The following MYOM1 variants were observed in gnomAD, a reference collection of about 807,000 sequenced individuals.
MYOM1 encodes myomesin 1, also known as myomesin-1.
MYOM1 carries 164 observed loss-of-function variants against 205.3 expected under a neutral mutation model. The ratio of observed to expected loss-of-function variants is 0.80; its 90% CI spans 0.70 to 0.91. The LOEUF is 0.91. Ranked by LOEUF, MYOM1 falls within the 40% of genes least tolerant of loss-of-function variation. MYOM1 has a pLI of 0.00. For missense variants in MYOM1, 2,011 were observed against 2,127.3 expected (o/e 0.95, Z 1.08); for synonymous variants, 772 against 789.4 (o/e 0.98, Z 0.37).
intron 16 of MYOM1, 84 bp downstream of exon 16, chr18:3,134,566 C>G: frequency 7.1e-7 from 1 of 1,400,314 alleles, no homozygotes; most frequent in Non-Finnish European, 9.5e-7. Flanking sequence ...TTAAAAAAAT[C>G]TCCTCCATTG....
chr18:3,126,263 TC>T (rs1174550554), intron 19 of MYOM1, among the ~76,000 whole-genome samples: 2 of 84,752 alleles, frequency 2.4e-5, no homozygotes, highest in Non-Finnish European at 4.2e-5. Context: ...AGACTTCATC[TC>T]AAAAAAAAAA....
At position 3,128,733 on chromosome 18, in the gene MYOM1, T is replaced by A. The variant is rs1435498987; in HGVS notation, c.2794+499A>T. Among the ~76,000 whole-genome samples the A allele has an allele frequency of 2.0e-5, 3 of 152,230 alleles. No homozygotes were observed. The South Asian group carries it at 6.2e-4, about 31-fold the overall frequency. On this transcript the variant is annotated intron_variant, in intron 18 of 37. Coordinates refer to ENST00000356443, the MANE Select transcript of MYOM1 (RefSeq NM_003803.4). The stretch of plus-strand genomic sequence containing the variant: ...AAGTATTTAATTTTCCAGTGTTGAT[T>A]TTTCTTGCAAACTATTTAAATTAAA...
Position 3,188,935 on chromosome 18 carries a change from T to C in MYOM1, c.584A>G (p.Gln195Arg), listed in dbSNP as rs2080864711. The C allele has an allele frequency of 6.2e-7, 1 of 1,611,938 alleles. No homozygotes were observed. Residue 195 changes from glutamine (Q) to arginine (R), a missense_variant, in exon 4 of 38, where the codon CAG becomes CGG. Physicochemically the swap from Gln to Arg is conservative, Grantham distance 43 (BLOSUM62 1). Coordinates refer to ENST00000356443, the MANE Select transcript of MYOM1 (RefSeq NM_003803.4). ...TASKQTTASK[Q>R]STASKQSTAS... ...TGTGGACTGCTTGGATGCCGTGGAC[T>C]GCTTAGATGCCGTGGTCTGCTTGGA...
intron 25 of MYOM1, among the ~76,000 whole-genome samples, chr18:3,098,221 A>C (rs1567904367): frequency 6.6e-6 from 1 of 152,202 alleles, no homozygotes; most frequent in African/African-American, 2.4e-5. Flanking sequence ...TGAATAGTTC[A>C]TGGATTCATC....
the MYOM1 span, among the ~76,000 whole-genome samples, chr18:3,234,292 C>T: frequency 6.6e-6 from 1 of 152,124 alleles, no homozygotes; most frequent in African/African-American, 2.4e-5. Context: ...GTTTGGGAAG[C>T]AAGTCAAACA....
the MYOM1 span, among the ~76,000 whole-genome samples, chr18:3,239,235 G>A: frequency 6.6e-6 from 1 of 152,214 alleles, no homozygotes; most frequent in East Asian, 1.9e-4. Flanking sequence ...AAACAGAGGA[G>A]CTGGCTTTCT....
intron 8 of MYOM1, among the ~76,000 whole-genome samples, chr18:3,169,704 G>A (rs1157422357): frequency 3.3e-5 from 5 of 152,146 alleles, no homozygotes; most frequent in South Asian, 4.1e-4. Flanking sequence ...TGGTGGGAAC[G>A]TAAATTAGTA....
At chr18:3,146,316 C>A (rs2080122432) in intron 13 of MYOM1, among the ~76,000 whole-genome samples, 1 of 152,084 alleles carries the variant, frequency 6.6e-6, no homozygotes, top group Non-Finnish European at 1.5e-5. Flanking sequence ...AGACCAATAT[C>A]TTTTATGAAT....
At chr18:3,193,341 CATAT>C (rs1567961377) in intron 3 of MYOM1, among the ~76,000 whole-genome samples, 50 of 118,330 alleles carry the variant, frequency 4.2e-4, no homozygotes, top group African/African-American at 1.7e-3. Context: ...TATATATGTA[CATAT>C]ACATATATAT....
In MYOM1 at chr18:3,135,430, G is replaced by T; in HGVS notation, c.2209+117C>A. On this transcript the variant is annotated intron_variant, in intron 15 of 37. Coordinates refer to ENST00000356443, the MANE Select transcript of MYOM1 (RefSeq NM_003803.4). The surrounding 1 kb of genome is among the most constrained non-coding windows in gnomAD (Gnocchi z 4.1). ...TGTATAGGTTAAGTACAGCCATCGA[G>T]TAAATTTATAATATGAAAGAAGGAT... 1.1e-6 allele frequency: 1 copy of T among 923,818 alleles called. No individual in the cohort carries two copies. The highest frequency in any genetic ancestry group is 1.6e-6 in the Non-Finnish European group (1 of 629,290). 57.2% of individuals were successfully genotyped at this position (923,818 alleles called of 1,614,324 possible).
At chr18:3,239,626 T>C in the MYOM1 span, among the ~76,000 whole-genome samples, 1 of 151,674 alleles carries the variant, frequency 6.6e-6, no homozygotes, top group Non-Finnish European at 1.5e-5. Flanking sequence ...TGTAGTGGTG[T>C]ACACCTGTAG....
At chr18:3,090,458 G>A (rs2079209576) in intron 27 of MYOM1, among the ~76,000 whole-genome samples, 200 bp downstream of exon 27, 1 of 152,012 alleles carries the variant, frequency 6.6e-6, no homozygotes, top group African/African-American at 2.4e-5. Flanking sequence ...GACCTTAGGT[G>A]ATCCACCCGC....
At chr18:3,207,962 C>T (rs2081145373) in intron 2 of MYOM1, among the ~76,000 whole-genome samples, 1 of 152,138 alleles carries the variant, frequency 6.6e-6, no homozygotes. Context: ...GAAGGAACCA[C>T]ATCTTTCTGG....
chr18:3,243,625 T>C, the MYOM1 span, among the ~76,000 whole-genome samples: 1 of 152,236 alleles, frequency 6.6e-6, no homozygotes, highest in Non-Finnish European at 1.5e-5. Context: ...GAGTTAGAGA[T>C]ATGTGGATAA....
chr18:3,081,081 G>A (rs1384093495), intron 33 of MYOM1, among the ~76,000 whole-genome samples: 19 of 150,174 alleles, frequency 1.3e-4, no homozygotes, highest in African/African-American at 4.7e-4. Flanking sequence ...CAGTGAGCCG[G>A]GATCACGCCA....
At chr18:3,146,255 C>T (rs1028933969) in intron 13 of MYOM1, among the ~76,000 whole-genome samples, 1 of 152,052 alleles carries the variant, frequency 6.6e-6, no homozygotes, top group Non-Finnish European at 1.5e-5. Context: ...ATACTTTCCA[C>T]TCAGTACCCC....
intron 13 of MYOM1, among the ~76,000 whole-genome samples, chr18:3,144,303 T>C (rs527909174): frequency 1.3e-5 from 2 of 152,060 alleles, no homozygotes; most frequent in Middle Eastern, 3.4e-3. Context: ...ATGTATATTA[T>C]AAATTCTAAA....
the MYOM1 span, among the ~76,000 whole-genome samples, chr18:3,233,914 A>G: frequency 2.0e-5 from 3 of 152,244 alleles, no homozygotes; most frequent in Admixed American, 6.5e-5. Context: ...TAACACAGTC[A>G]TTCTTATCAA....
intron 24 of MYOM1, 54 bp downstream of exon 24, chr18:3,100,266 A>C: frequency 6.2e-7 from 1 of 1,612,974 alleles, no homozygotes; most frequent in Non-Finnish European, 8.5e-7. Context: ...ACTTAAGAAT[A>C]ACTGAGAATT....
Sources: gnomAD v4.1 joint callset for allele counts (sites outside exome capture counted in the v4.1 genomes callset) on GRCh38, gnomAD v4.1.1 for gene constraint, Gnocchi (gnomAD v3.1) non-coding constraint, MANE v1.5 for transcripts, NCBI Gene and HGNC (gene_info 2026-07-23, HGNC 2026-07-21) for gene names.